Variants in CHST9 observed in about 807,000 individuals in gnomAD.
The protein encoded by CHST9 is carbohydrate sulfotransferase 9.
A neutral mutation model predicts 44.4 loss-of-function variants in CHST9; 41 were observed. That is an observed-to-expected ratio of 0.92 (90% CI 0.72 to 1.20). CHST9 has a LOEUF of 1.20. Ranked by LOEUF, CHST9 falls within the 50% of genes most tolerant of loss-of-function variation. The pLI is 0.00. For synonymous variants in CHST9, 171 were observed against 178.4 expected, an observed-to-expected ratio of 0.96 and a Z score of 0.33; for missense variants, 504 against 516.5, an observed-to-expected ratio of 0.98 and a Z score of 0.23.
At chr18:27,034,247 T>G (rs1568142248) in intron 3 of CHST9, among the ~76,000 whole-genome samples, 1 of 152,214 alleles carries the variant, frequency 6.6e-6, no homozygotes, top group Non-Finnish European at 1.5e-5. Flanking sequence ...ATCCTTTATC[T>G]CTGTTTTCGT....
chr18:27,153,233 C>T (rs927381540), intron 1 of CHST9, among the ~76,000 whole-genome samples: 3 of 152,072 alleles, frequency 2.0e-5, no homozygotes, highest in African/African-American at 7.2e-5. Flanking sequence ...ATAGTTGGTT[C>T]GGGAATGACC....
intron 3 of CHST9, among the ~76,000 whole-genome samples, chr18:27,041,900 A>G (rs1168415036): frequency 6.6e-6 from 1 of 152,184 alleles, no homozygotes; most frequent in African/African-American, 2.4e-5. Context: ...GGGAAAACGC[A>G]TCTAAGAGAC....
chr18:27,055,903 A>G (rs1287447041), intron 2 of CHST9, among the ~76,000 whole-genome samples: 1 of 151,516 alleles, frequency 6.6e-6, no homozygotes, highest in Non-Finnish European at 1.5e-5. Context: ...CCTTCTCATT[A>G]CATGTGCTTT....
Position 27,053,258 on chromosome 18 carries a change from GA to G in CHST9, c.122-4756del, listed in dbSNP as rs1164406758. 5.5e-4 allele frequency among the ~76,000 whole-genome samples: 53 copies of G among 97,092 alleles called. 1 individual carries two copies. The highest frequency in any genetic ancestry group is 1.8e-3 in the African/African-American group (48 of 26,118). The allele number at this position is 97,092 out of a possible 152,430, so 63.7% of individuals were successfully genotyped here. A position where few individuals can be genotyped will look rare whatever the true frequency, so the allele number is the denominator to read the frequency against. ...AGAAGAAGAAGAAGAAGAAGAAGAA[GA>G]AGGAGAAGGAGAAGGAGAAGGAGAA... On this transcript the variant is annotated intron_variant, in intron 2 of 5. Transcript: ENST00000618847.
At chr18:27,018,375 C>G (rs1412100211) in intron 4 of CHST9, among the ~76,000 whole-genome samples, 1 of 152,200 alleles carries the variant, frequency 6.6e-6, no homozygotes, top group Non-Finnish European at 1.5e-5. Flanking sequence ...GCTAAATTAA[C>G]TGCAGGGTGC....
chr18:27,077,532 T>A (rs917729681), intron 2 of CHST9, among the ~76,000 whole-genome samples: 3 of 152,148 alleles, frequency 2.0e-5, no homozygotes, highest in Admixed American at 1.3e-4. Flanking sequence ...GAAAAAAAGA[T>A]TCTGTTTCCT....
chr18:26,991,020 G>A (rs575689963), intron 4 of CHST9, among the ~76,000 whole-genome samples: 157 of 152,252 alleles, frequency 1.0e-3, no homozygotes, highest in African/African-American at 3.7e-3. Context: ...ATGGGGATAG[G>A]GATTTGTAAG....
At chr18:27,112,324 G>T (rs977145141) in intron 2 of CHST9, among the ~76,000 whole-genome samples, 2 of 151,178 alleles carry the variant, frequency 1.3e-5, no homozygotes, top group African/African-American at 4.8e-5. Context: ...TGGAATATCT[G>T]CATATACATA....
chr18:27,183,330 G>C (rs2058928698), intron 1 of CHST9, among the ~76,000 whole-genome samples: 1 of 152,176 alleles, frequency 6.6e-6, no homozygotes. Flanking sequence ...AAATGAGTAA[G>C]TACGTTTTGA....
chr18:26,997,032 G>T (rs557041480), intron 4 of CHST9, among the ~76,000 whole-genome samples: 1 of 152,302 alleles, frequency 6.6e-6, no homozygotes, highest in Non-Finnish European at 1.5e-5. Flanking sequence ...GCATGGGTCT[G>T]GAATTCTGAC....
chr18:27,135,153 A>C (rs2058503147), intron 2 of CHST9, among the ~76,000 whole-genome samples: 1 of 152,184 alleles, frequency 6.6e-6, no homozygotes, highest in Non-Finnish European at 1.5e-5. Context: ...GTGTACCATA[A>C]GTGTATACAA....
At chr18:26,989,275 A>G (rs1470937897) in intron 4 of CHST9, among the ~76,000 whole-genome samples, 1 of 152,244 alleles carries the variant, frequency 6.6e-6, no homozygotes, top group Non-Finnish European at 1.5e-5. Flanking sequence ...AAAAGATTTG[A>G]ACAGGCACTT....
At chr18:26,954,625 C>T (rs2145137251) in intron 4 of CHST9, among the ~76,000 whole-genome samples, 1 of 152,246 alleles carries the variant, frequency 6.6e-6, no homozygotes, top group Middle Eastern at 3.4e-3. Flanking sequence ...GTTATCTTCT[C>T]TCTCCAATTT....
chr18:26,976,926 A>C (rs2056630481), intron 4 of CHST9, among the ~76,000 whole-genome samples: 1 of 152,056 alleles, frequency 6.6e-6, no homozygotes, highest in Non-Finnish European at 1.5e-5. Flanking sequence ...TGCCTAGTCC[A>C]AGGTTTTTTC....
chr18:27,156,585 C>T (rs2058700107), intron 1 of CHST9, among the ~76,000 whole-genome samples: 2 of 151,906 alleles, frequency 1.3e-5, no homozygotes, highest in African/African-American at 4.8e-5. Context: ...GAGAAAGAGA[C>T]AAAGATTTTA....
intron 2 of CHST9, among the ~76,000 whole-genome samples, chr18:27,090,258 C>G (rs1015338393): frequency 1.3e-5 from 2 of 152,174 alleles, no homozygotes; most frequent in Non-Finnish European, 2.9e-5. Flanking sequence ...TGAGAAGTAT[C>G]TGTTCATATA....
intron 5 of CHST9, among the ~76,000 whole-genome samples, chr18:26,930,246 T>C (rs1042139914): frequency 2.6e-5 from 4 of 152,206 alleles, no homozygotes; most frequent in Non-Finnish European, 5.9e-5. Context: ...GCCTGTGGTA[T>C]CAGATCATGC....
rs1169263864 is a variant in CHST9, at chr18:27,119,653, G to T, written c.121+23036C>A. On this transcript the variant is annotated intron_variant, in intron 2 of 5. Transcript: ENST00000618847. ...CTACTTATCAGTTTTTTTGTTTTGG[G>T]TTTTTTTTTTTTTTTCTACTTGCTC... Among the ~76,000 whole-genome samples, 45 of 138,282 alleles carry T rather than the reference G, an allele frequency of 3.3e-4. No homozygotes were observed. The East Asian group carries it at 6.9e-3, about 21-fold the overall frequency. 90.7% of individuals were successfully genotyped at this position (138,282 alleles called of 152,430 possible).
chr18:27,178,269 A>T (rs1416612654), intron 1 of CHST9, among the ~76,000 whole-genome samples: 1 of 151,994 alleles, frequency 6.6e-6, no homozygotes, highest in African/African-American at 2.4e-5. Context: ...GCAATTGGTT[A>T]TTCACACACA....
Sources: gnomAD v4.1 joint callset for allele counts (sites outside exome capture counted in the v4.1 genomes callset) on GRCh38, gnomAD v4.1.1 for gene constraint, MANE v1.5 for transcripts, NCBI Gene and HGNC (gene_info 2026-07-23, HGNC 2026-07-21) for gene names.